Variants in BIRC6 observed in about 807,000 individuals in gnomAD.
The protein encoded by BIRC6 is dual E2 ubiquitin-conjugating enzyme/E3 ubiquitin-protein ligase BIRC6.
BIRC6 carries 98 observed loss-of-function variants against 503.3 expected under a neutral mutation model. That is an observed-to-expected ratio of 0.19 (90% CI 0.17 to 0.23). The LOEUF (loss-of-function observed/expected upper bound fraction) is 0.23. BIRC6 is among the 10% of genes least tolerant of loss of function. The probability of loss-of-function intolerance (pLI) is 1.00; values close to 1 mark genes in which losing one functional copy is unlikely to be tolerated. For missense variants in BIRC6, 5,360 were observed against 5,806.0 expected, an observed-to-expected ratio of 0.92 and a Z score of 2.50; for synonymous variants, 2,240 against 2,078.7, an observed-to-expected ratio of 1.08 and a Z score of -2.11.
At position 32,508,040 on chromosome 2, in the gene BIRC6, C is replaced by T; in HGVS notation, c.9761C>T (p.Ser3254Phe). The T allele has an allele frequency of 4.3e-6, 7 of 1,613,810 alleles. No homozygotes were observed. The highest frequency in any genetic ancestry group is 5.9e-6 in the Non-Finnish European group (7 of 1,179,828). The change falls in exon 51 of 74, where the codon TCC becomes TTC. Residue 3254 changes from serine (S) to phenylalanine (F), a missense_variant. Ser to Phe is a radical substitution (Grantham distance 155). This residue lies in a region of BIRC6 where 62 missense variants were observed against 107.4 expected (regional missense o/e 0.58). Transcript: ENST00000421745. ...SADGVNMLPL[S>F]TPVVTSGLTY... ...GATGGGGTAAATATGCTACCTTTGT[C>T]CACTCCTGTTGTCACAAGTGGCCTC... is the stretch of plus-strand genomic sequence containing the variant.
chr2:32,436,181 A>G lies in BIRC6; in HGVS notation c.3628A>G (p.Lys1210Glu). 7.0e-7 allele frequency: 1 copy of G among 1,436,006 alleles called. No individual in the cohort carries two copies. The highest frequency in any genetic ancestry group is 9.3e-7 in the Non-Finnish European group (1 of 1,075,432). 89.0% of individuals were successfully genotyped at this position (1,436,006 alleles called of 1,614,324 possible). Residue 1210 changes from lysine to glutamate, a missense_variant, in exon 15 of 74, where the codon AAA (lysine) becomes GAA (glutamate). This residue lies in a region of BIRC6 where 2,299 missense variants were observed against 2,267.2 expected (regional missense o/e 1.01). Coordinates refer to ENST00000421745, the MANE Select transcript of BIRC6 (RefSeq NM_016252.4). ...MLTLTSPKLV[K>E]GMAGGKYRSF... ...GACGTTAACAAGCCCCAAACTTGTTAAAGGTGAAGTAATACATTTTACAAA... is the reference window on the plus strand; with the variant it reads ...GACGTTAACAAGCCCCAAACTTGTTGAAGGTGAAGTAATACATTTTACAAA...
chr2:32,499,723 G>T lies in BIRC6; in HGVS notation c.8645G>T (p.Gly2882Val). 6.2e-7 allele frequency: 1 copy of T among 1,613,990 alleles called. No homozygotes were observed. The highest frequency in any genetic ancestry group is 8.5e-7 in the Non-Finnish European group (1 of 1,179,892). The change falls in exon 46 of 74, where the codon GGA becomes GTA. Residue 2882 changes from glycine (G) to valine (V), a missense_variant. By Grantham distance (109) the Gly-to-Val change is moderately radical. This residue lies in a region of BIRC6 where 2,299 missense variants were observed against 2,267.2 expected (regional missense o/e 1.01). Transcript: ENST00000421745. ...TCSDKVMSRS[G>V]SDSSVGARAC... ...TCAGACAAAGTAATGTCAAGAAGTG[G>T]ATCAGATAGCTCCGTGGGTGCTCGA...
chr2:32,431,181 CTTTTTTTTTTTTTT>C lies in BIRC6; in HGVS notation c.3248+110_3248+123del, dbSNP rs10610125. Reference sequence around the variant, plus strand: ...AATTCCTAGGTATATTACTGTTTATCTTTTTTTTTTTTTTTTTTTTTTTTTTTTTTTTGAGACAG... The same window carrying C: ...AATTCCTAGGTATATTACTGTTTATCTTTTTTTTTTTTTTTTTTGAGACAG... On this transcript the variant is annotated intron_variant, in intron 12 of 73. Coordinates refer to ENST00000421745, the MANE Select transcript of BIRC6 (RefSeq NM_016252.4). 3.0e-3 allele frequency: 208 copies of C among 69,336 alleles called. 6 individuals are homozygous for C. The highest frequency in any genetic ancestry group is 0.017 in the East Asian group (49 of 2,818). The allele number at this position is 69,336 out of a possible 1,614,324, so 4.3% of individuals were successfully genotyped here.
In BIRC6 at chr2:32,429,275, C is replaced by T; in HGVS notation, c.3002C>T (p.Pro1001Leu). Residue 1001 changes from proline to leucine, a missense_variant, in exon 11 of 74, where the codon CCT becomes CTT. Coordinates refer to ENST00000421745, the MANE Select transcript of BIRC6 (RefSeq NM_016252.4). Reference protein sequence around the residue: ...SSEGSKPLSNPSSPGISGVDL... With the variant: ...SSEGSKPLSNLSSPGISGVDL... ...GAAGGTTCCAAACCTTTATCAAATC[C>T]TTCAAGTCCTGGCATTTCAGGTATG... The T allele has an allele frequency of 6.6e-7, 1 of 1,517,306 alleles. No homozygotes were observed. The highest frequency in any genetic ancestry group is 1.3e-5 in the South Asian group (1 of 76,158). The allele number at this position is 1,517,306 out of a possible 1,614,324, so 94.0% of individuals were successfully genotyped here.
intron 66 of BIRC6, among the ~76,000 whole-genome samples, chr2:32,577,701 ACT>A (rs1264666787): frequency 1.3e-5 from 2 of 152,218 alleles, no homozygotes; most frequent in Non-Finnish European, 2.9e-5. Flanking sequence ...TTCACATAAC[ACT>A]GTATAATTTT....
chr2:32,380,265 C>A lies in BIRC6; in HGVS notation c.620C>A (p.Thr207Asn). 1 of 1,603,036 alleles carries A rather than the reference C, an allele frequency of 6.2e-7. No homozygotes were observed. The change falls in exon 3 of 74, where the codon ACT becomes AAT. Residue 207 changes from threonine to asparagine, a missense_variant. Transcript: ENST00000421745. The stretch of plus-strand genomic sequence containing the variant: ...GGTTTAAAAAATACATCTCATGAGA[C>A]TGCAGCAAACCACAAAGTTGCTAAG... ...KDGLKNTSHETAANHKVAKWA... is the reference protein window; with the variant it reads ...KDGLKNTSHENAANHKVAKWA...
chr2:32,458,081 T>C (rs1043965936), intron 23 of BIRC6, among the ~76,000 whole-genome samples: 2 of 152,150 alleles, frequency 1.3e-5, no homozygotes, highest in African/African-American at 2.4e-5. Context: ...CTAGTTATTT[T>C]TACTGGTGAT....
Position 32,469,565 on chromosome 2 carries a change from C to A in BIRC6, c.6298C>A (p.Leu2100Ile). 6.2e-7 allele frequency: 1 copy of A among 1,613,856 alleles called. No homozygotes were observed. Among genetic ancestry groups the A allele is most frequent in the Non-Finnish European group, 8.5e-7 (1 of 1,179,808 alleles). Residue 2100 changes from leucine (L) to isoleucine (I), a missense_variant, in exon 30 of 74, where the codon CTT becomes ATT. Leu to Ile is a conservative substitution (Grantham distance 5). This residue lies in a region of BIRC6 where 2,299 missense variants were observed against 2,267.2 expected (regional missense o/e 1.01). Coordinates refer to ENST00000421745, the MANE Select transcript of BIRC6 (RefSeq NM_016252.4). ...RWWGQFLSNV[L>I]QELYNSEQLL... ...GTGGGGTCAATTTCTTTCTAATGTC[C>A]TTCAGGAATTGTACAATTCGGAACA... is the stretch of plus-strand genomic sequence containing the variant.
Position 32,464,569 on chromosome 2 carries a change from G to C in BIRC6, c.5002G>C (p.Ala1668Pro). The C allele has an allele frequency of 2.5e-6, 4 of 1,608,982 alleles. No homozygotes were observed. Among genetic ancestry groups the C allele is most frequent in the Non-Finnish European group, 3.4e-6 (4 of 1,177,146 alleles). The part of the protein sequence containing the change: ...TTAAAAAAAS[A>P]VGPVHNSVPS... ...AGCTGCAGCAGCTGCAGCAGCATCA[G>C]CAGTAGGTCCTGTTCACAACTCTGT... The change falls in exon 25 of 74, where the codon GCA becomes CCA. Residue 1668 changes from alanine (A) to proline (P), a missense_variant. Ala to Pro is a conservative substitution (Grantham distance 27). Around this residue, in one of 16 missense-constraint regions of BIRC6, gnomAD observed 2,299 missense variants for 2,267.2 expected, o/e 1.01. Coordinates refer to ENST00000421745, the MANE Select transcript of BIRC6 (RefSeq NM_016252.4).
chr2:32,586,380 G>A (rs1229244391), intron 66 of BIRC6, among the ~76,000 whole-genome samples: 1 of 146,108 alleles, frequency 6.8e-6, no homozygotes, highest in Non-Finnish European at 1.5e-5. Context: ...TATGTTTCAC[G>A]ACAGTTTTCA....
chr2:32,400,647 C>G (rs1192133216), intron 6 of BIRC6, among the ~76,000 whole-genome samples: 3 of 151,998 alleles, frequency 2.0e-5, no homozygotes, highest in Non-Finnish European at 4.4e-5. Flanking sequence ...GCCTTCAGAT[C>G]TTTACTAAAA....
At chr2:32,529,929 A>G (rs1206660175) in intron 60 of BIRC6, 105 bp downstream of exon 60, 1 of 706,972 alleles carries the variant, frequency 1.4e-6, no homozygotes, top group East Asian at 3.4e-5. Context: ...ATATCAACAT[A>G]AGATATAATT....
chr2:32,426,590 C>T (rs1164106390), intron 10 of BIRC6, among the ~76,000 whole-genome samples: 2 of 152,176 alleles, frequency 1.3e-5, no homozygotes, highest in African/African-American at 2.4e-5. Flanking sequence ...GGCAACAGAG[C>T]GAGACTCCGT....
intron 24 of BIRC6, among the ~76,000 whole-genome samples, chr2:32,464,068 C>T (rs1012557386): frequency 2.0e-5 from 3 of 152,208 alleles, no homozygotes; most frequent in Non-Finnish European, 2.9e-5. Context: ...TCTGCCACAT[C>T]TCCCCGCATC....
chr2:32,467,716 C>A lies in BIRC6; in HGVS notation c.5548C>A (p.Pro1850Thr). ...HSLILHDLIP[P>T]PVCRFMKITV... ...ACTAATTCTTCATGACTTAATACCA[C>A]CTCCCGTGTGCAGATTCATGAAGGT... The change falls in exon 27 of 74, where the codon CCT becomes ACT. Residue 1850 changes from proline (P) to threonine (T), a missense_variant. Physicochemically the swap from Pro to Thr is conservative, Grantham distance 38. Coordinates refer to ENST00000421745, the MANE Select transcript of BIRC6 (RefSeq NM_016252.4). 1 of 1,613,470 alleles carries A rather than the reference C, an allele frequency of 6.2e-7. No individual in the cohort carries two copies. Among genetic ancestry groups the A allele is most frequent in the East Asian group, 2.2e-5 (1 of 44,872 alleles).
At chr2:32,418,162 T>C (rs1231268335) in intron 10 of BIRC6, among the ~76,000 whole-genome samples, 2 of 152,176 alleles carry the variant, frequency 1.3e-5, no homozygotes, top group Non-Finnish European at 2.9e-5. Flanking sequence ...ATTTAGAAAA[T>C]GAGCAGTGTA....
chr2:32,575,766 A>C (rs1559087382), intron 66 of BIRC6, among the ~76,000 whole-genome samples: 1 of 148,756 alleles, frequency 6.7e-6, no homozygotes, highest in Admixed American at 6.7e-5. Flanking sequence ...CTCCGTCTCA[A>C]AAAAAAAAAA....
intron 54 of BIRC6, among the ~76,000 whole-genome samples, chr2:32,514,685 T>G (rs751948383): frequency 3.3e-5 from 5 of 152,064 alleles, no homozygotes; most frequent in Non-Finnish European, 5.9e-5. Context: ...GTTTGTTTGT[T>G]TCTCTACATG....
At chr2:32,496,447 C>T (rs879781736) in intron 45 of BIRC6, among the ~76,000 whole-genome samples, 1 of 152,190 alleles carries the variant, frequency 6.6e-6, no homozygotes, top group Non-Finnish European at 1.5e-5. Flanking sequence ...TGGTCTCAAA[C>T]TCCTGGCCTC....
Sources: allele counts gnomAD v4.1 joint callset (sites outside exome capture counted in the v4.1 genomes callset), GRCh38; gene constraint gnomAD v4.1.1; regional missense constraint gnomAD v4.1.1; transcripts MANE v1.5; gene names NCBI Gene and HGNC (gene_info 2026-07-23, HGNC 2026-07-21).